Variants in CPA5 observed in about 807,000 individuals in gnomAD.
CPA5 encodes carboxypeptidase A5.
In CPA5, 38 loss-of-function variants were observed where a neutral mutation model predicts 52.2. The ratio of observed to expected loss-of-function variants is 0.73; its 90% confidence interval spans 0.56 to 0.95. The LOEUF is 0.95. Among genes scored for constraint, CPA5 ranks in the 40% least tolerant of loss-of-function variants. The pLI is 0.00. For missense variants in CPA5, 519 were observed against 566.7 expected (o/e 0.92, Z 0.86); for synonymous variants, 198 against 213.7 (o/e 0.93, Z 0.64).
At chr7:130,352,822 T>C (rs1795246523) in intron 5 of CPA5, among the ~76,000 whole-genome samples, 1 of 151,992 alleles carries the variant, frequency 6.6e-6, no homozygotes, top group Non-Finnish European at 1.5e-5. Context: ...CTTCACCTCG[T>C]TCTTTTCAGC....
chr7:130,350,778 A>T (rs937337758), intron 5 of CPA5, among the ~76,000 whole-genome samples: 3 of 152,200 alleles, frequency 2.0e-5, no homozygotes, highest in African/African-American at 7.2e-5. Context: ...TCTGAACGTC[A>T]TGAAATTCTA....
intron 5 of CPA5, among the ~76,000 whole-genome samples, chr7:130,350,948 C>A (rs1243374607): frequency 6.6e-6 from 1 of 152,232 alleles, no homozygotes; most frequent in Non-Finnish European, 1.5e-5. Flanking sequence ...ACCTGTGGAA[C>A]TGTATCCATA....
At chr7:130,347,656 C>T in intron 3 of CPA5, 110 bp from the exon 4 acceptor site, 2 of 876,392 alleles carry the variant, frequency 2.3e-6, no homozygotes, top group South Asian at 1.5e-5. Flanking sequence ...TCCTGGCCTC[C>T]CCGCCTGGCC....
intron 5 of CPA5, among the ~76,000 whole-genome samples, chr7:130,357,467 C>CA (rs1795543119): frequency 6.6e-6 from 1 of 151,960 alleles, no homozygotes; most frequent in African/African-American, 2.4e-5. Flanking sequence ...ACTAAAAATA[C>CA]AAAAAATTAG....
Position 130,349,957 on chromosome 7 carries a change from C to G in CPA5, c.199-18C>G. 6.2e-7 allele frequency: 1 copy of G among 1,608,858 alleles called. No homozygotes were observed. Among genetic ancestry groups the G allele is most frequent in the Non-Finnish European group, 8.5e-7 (1 of 1,177,814 alleles). Reference sequence around the variant, plus strand: ...GACATGGAGTAATGCAGCTCTCTCTCTTTCCTTGGTGAACAAGGTGGACTT... The same window carrying G: ...GACATGGAGTAATGCAGCTCTCTCTGTTTCCTTGGTGAACAAGGTGGACTT... On this transcript the variant is annotated intron_variant, in intron 4 of 12. Transcript: ENST00000474905.
chr7:130,346,118 G>A lies in CPA5; in HGVS notation c.-94+222G>A, dbSNP rs185066759. Among the ~76,000 whole-genome samples, 283 of 152,364 alleles carry A rather than the reference G, an allele frequency of 1.9e-3. 2 individuals carry two copies. Among genetic ancestry groups the A allele is most frequent in the African/African-American group, 6.3e-3 (264 of 41,592 alleles). On this transcript the variant is annotated intron_variant, in intron 2 of 12. Coordinates refer to ENST00000474905, the MANE Select transcript of CPA5 (RefSeq NM_080385.5). Reference sequence around the variant, plus strand: ...GGAGAAGAAGAGCGAAAGAGAAGATGCTGTAGAGGAGGGAGGAAAGGAGGG... The same window carrying A: ...GGAGAAGAAGAGCGAAAGAGAAGATACTGTAGAGGAGGGAGGAAAGGAGGG...
At chr7:130,358,102 C>T (rs1455301386) in intron 5 of CPA5, among the ~76,000 whole-genome samples, 1 of 151,986 alleles carries the variant, frequency 6.6e-6, no homozygotes, top group African/African-American at 2.4e-5. Flanking sequence ...CTCAAGCAGT[C>T]CTCCTGCCTC....
chr7:130,364,012 A>G (rs1554407571), intron 10 of CPA5, among the ~76,000 whole-genome samples: 1 of 152,010 alleles, frequency 6.6e-6, no homozygotes, highest in African/African-American at 2.4e-5. Flanking sequence ...GTCCAATAGA[A>G]TTAACCACTT....
chr7:130,350,407 G>A (rs2117312814), intron 5 of CPA5, among the ~76,000 whole-genome samples: 1 of 152,286 alleles, frequency 6.6e-6, no homozygotes, highest in East Asian at 1.9e-4. Flanking sequence ...AGGGAGACAG[G>A]AGGATGTAGC....
chr7:130,355,999 AC>A (rs577584024), intron 5 of CPA5, among the ~76,000 whole-genome samples: 20 of 152,066 alleles, frequency 1.3e-4, no homozygotes, highest in Non-Finnish European at 2.1e-4. Context: ...ATCAGCAGCC[AC>A]CCCCCACATC....
intron 5 of CPA5, among the ~76,000 whole-genome samples, chr7:130,354,818 C>T (rs782730231): frequency 1.8e-4 from 28 of 152,092 alleles, no homozygotes; most frequent in African/African-American, 3.9e-4. Context: ...CAGCCTTGAA[C>T]GCCTGGGCTC....
At chr7:130,357,965 T>C (rs892310012) in intron 5 of CPA5, among the ~76,000 whole-genome samples, 1 of 140,822 alleles carries the variant, frequency 7.1e-6, no homozygotes, top group African/African-American at 2.7e-5. Context: ...TGTGTGTGTG[T>C]GTGTGTGTGT....
chr7:130,350,079 T>C lies in CPA5; in HGVS notation c.303T>C (p.Leu101=). The C allele has an allele frequency of 6.2e-7, 1 of 1,613,778 alleles. No homozygotes were observed. Among genetic ancestry groups the C allele is most frequent in the Non-Finnish European group, 8.5e-7 (1 of 1,179,894 alleles). ...DIKAYLESHG[L]AYSIMIKDIQ... ...AAGCTTATCTGGAGTCTCATGGACT[T>C]GCTTACAGCATCATGATAAAGGACA... The change falls in exon 5 of 13, where the codon CTT becomes CTC. Residue 101 remains leucine (L), a synonymous_variant. Transcript: ENST00000474905.
At position 130,347,937 on chromosome 7, in the gene CPA5, C is replaced by T. The variant is rs531904733; in HGVS notation, c.198+90C>T. On this transcript the variant is annotated intron_variant, in intron 4 of 12. Coordinates refer to ENST00000474905, the MANE Select transcript of CPA5 (RefSeq NM_080385.5). Reference sequence around the variant, plus strand: ...TTGTCCTGCCCCCCTTTATCCCAAACCTGCCCTCCTGAGGTCCCTGCAAAG... The same window carrying T: ...TTGTCCTGCCCCCCTTTATCCCAAATCTGCCCTCCTGAGGTCCCTGCAAAG... The T allele has an allele frequency of 1.0e-5, 10 of 982,952 alleles. No homozygotes were observed. The South Asian group carries it at 1.3e-4, about 13-fold the overall frequency. The allele number at this position is 982,952 out of a possible 1,614,324, so 60.9% of individuals were successfully genotyped here.
Position 130,368,482 on chromosome 7 carries a change from G to A in CPA5, c.1196G>A (p.Arg399Gln), listed in dbSNP as rs1278690980. 19 of 1,614,090 alleles carry A rather than the reference G, an allele frequency of 1.2e-5. No homozygotes were observed. The highest frequency in any genetic ancestry group is 1.4e-5 in the Non-Finnish European group (17 of 1,180,028). ...GIKYAFSFEL[R>Q]DTGQYGFLLP... ...AAGTACGCCTTCAGCTTTGAGCTCCGGGACACTGGGCAGTATGGCTTCCTG... is the reference window on the plus strand; with the variant it reads ...AAGTACGCCTTCAGCTTTGAGCTCCAGGACACTGGGCAGTATGGCTTCCTG... The change falls in exon 13 of 13, where the codon CGG (arginine) becomes CAG (glutamine). Residue 399 changes from arginine to glutamine, a missense_variant. Coordinates refer to ENST00000474905, the MANE Select transcript of CPA5 (RefSeq NM_080385.5).
intron 7 of CPA5, 75 bp downstream of exon 7, chr7:130,361,319 GTGGC>G: frequency 1.9e-6 from 2 of 1,038,376 alleles, no homozygotes; most frequent in Non-Finnish European, 3.0e-6. Flanking sequence ...ATATGGGGTA[GTGGC>G]TGGGCGGGAG....
intron 6 of CPA5, among the ~76,000 whole-genome samples, chr7:130,360,293 C>T (rs1554406274): frequency 1.3e-5 from 2 of 152,252 alleles, no homozygotes; most frequent in African/African-American, 4.8e-5. Flanking sequence ...TCAGTGGCCC[C>T]AGCCATGGGT....
At chr7:130,364,105 G>A (rs1795946845) in intron 10 of CPA5, among the ~76,000 whole-genome samples, 1 of 152,108 alleles carries the variant, frequency 6.6e-6, no homozygotes, top group African/African-American at 2.4e-5. Flanking sequence ...ATGGCTCACT[G>A]CAGCCTTGAC....
At position 130,368,382 on chromosome 7, in the gene CPA5, G is replaced by T. The variant is rs782323866; in HGVS notation, c.1124-28G>T. On this transcript the variant is annotated intron_variant, in intron 12 of 12. Transcript: ENST00000474905. Reference sequence around the variant, plus strand: ...GCCACATCCCCTTCTTCCTTTTGTGGGGCACATTTTGGAACTTTTGTTTCT... The same window carrying T: ...GCCACATCCCCTTCTTCCTTTTGTGTGGCACATTTTGGAACTTTTGTTTCT... 9.3e-6 allele frequency: 15 copies of T among 1,608,880 alleles called. No individual in the cohort carries two copies. The South Asian group carries it at 1.7e-4, about 18-fold the overall frequency.
Sources: gnomAD v4.1 joint callset for allele counts (sites outside exome capture counted in the v4.1 genomes callset) on GRCh38, gnomAD v4.1.1 for gene constraint, MANE v1.5 for transcripts, NCBI Gene and HGNC (gene_info 2026-07-23, HGNC 2026-07-21) for gene names.